The following INPP4B variants were observed in gnomAD, a reference collection of about 807,000 sequenced individuals.
INPP4B encodes the protein inositol polyphosphate 4-phosphatase type II.
In INPP4B, 55 loss-of-function variants were observed where a neutral mutation model predicts 122.5. That is an observed-to-expected ratio of 0.45 (90% confidence interval 0.36 to 0.56). INPP4B has a LOEUF of 0.56. Among genes scored for constraint, INPP4B ranks in the 20% least tolerant of loss-of-function variants. The pLI is 0.00. For synonymous variants in INPP4B, 403 were observed against 388.7 expected (o/e 1.04, Z -0.43); for missense variants, 1,000 against 1,097.7 (o/e 0.91, Z 1.26).
At chr4:142,646,026 G>A (rs1308259023) in intron 2 of INPP4B, among the ~76,000 whole-genome samples, 1 of 152,176 alleles carries the variant, frequency 6.6e-6, no homozygotes, top group Non-Finnish European at 1.5e-5. Flanking sequence ...AACCTGATCA[G>A]TAGTATCCTG....
rs922190826 is a variant in INPP4B, at chr4:142,773,437, A to G, written c.-253-47536T>C. ...AACTGTCTAATGGAATATACTGTTT[A>G]TTATTAAAATTCACATGAGCTACAC... On this transcript the variant is annotated intron_variant, in intron 1 of 25. Transcript: ENST00000262992. Among the ~76,000 whole-genome samples the G allele has an allele frequency of 3.3e-5, 5 of 152,180 alleles. No individual in the cohort carries two copies. In the South Asian group the frequency reaches 1.0e-3, roughly 31 times the overall value.
At chr4:142,288,543 A>G (rs1471917057) in intron 9 of INPP4B, among the ~76,000 whole-genome samples, 1 of 152,152 alleles carries the variant, frequency 6.6e-6, no homozygotes, top group Non-Finnish European at 1.5e-5. Flanking sequence ...GGGATCGGCC[A>G]CTGCACTCCA....
At chr4:142,779,623 C>T (rs959047147) in intron 1 of INPP4B, among the ~76,000 whole-genome samples, 21 of 151,992 alleles carry the variant, frequency 1.4e-4, no homozygotes, top group Admixed American at 1.2e-3. Flanking sequence ...TCCTTCATTC[C>T]GTGTTTATAA....
chr4:142,750,068 A>T (rs567083286), intron 1 of INPP4B, among the ~76,000 whole-genome samples: 1 of 152,090 alleles, frequency 6.6e-6, no homozygotes, highest in Non-Finnish European at 1.5e-5. Flanking sequence ...CCCATCTGAA[A>T]ATGAGACAAT....
chr4:142,100,462 TA>T (rs1302526752), intron 23 of INPP4B, among the ~76,000 whole-genome samples: 1 of 152,166 alleles, frequency 6.6e-6, no homozygotes, highest in East Asian at 1.9e-4. Flanking sequence ...GCACCTGGGT[TA>T]GTAGCAACTC....
intron 2 of INPP4B, among the ~76,000 whole-genome samples, chr4:142,576,446 A>G (rs1713462250): frequency 6.6e-6 from 1 of 151,858 alleles, no homozygotes; most frequent in African/African-American, 2.4e-5. Flanking sequence ...TTTTCCTAAC[A>G]TGTTTTTTAA....
chr4:142,328,542 C>T (rs1296096391), intron 7 of INPP4B, among the ~76,000 whole-genome samples: 2 of 152,126 alleles, frequency 1.3e-5, no homozygotes, highest in Non-Finnish European at 2.9e-5. Context: ...AGATTGAATA[C>T]AGAGAAGCAG....
At position 142,122,152 on chromosome 4, in the gene INPP4B, A is replaced by G; in HGVS notation, c.2111T>C (p.Val704Ala). 3 of 1,610,672 alleles carry G rather than the reference A, an allele frequency of 1.9e-6. No individual in the cohort carries two copies. The highest frequency in any genetic ancestry group is 2.5e-6 in the Non-Finnish European group (3 of 1,178,144). ...CCGTCTTCCTGTTATAACTGGCAAC[A>G]CATCATTGGATTTGGCTTCAATTAT... ...FKIIEAKSND[V>A]LPVITGRREH... is the part of the protein sequence containing the mutation. Residue 704 changes from valine (V) to alanine (A), a missense_variant, in exon 21 of 26, where the codon GTG becomes GCG. Val to Ala is a moderately conservative substitution (Grantham distance 64). Transcript: ENST00000262992.
chr4:142,648,937 C>T (rs1287113731), intron 2 of INPP4B, among the ~76,000 whole-genome samples: 1 of 152,178 alleles, frequency 6.6e-6, no homozygotes, highest in Non-Finnish European at 1.5e-5. Context: ...GGAGATACCT[C>T]CCAGTAGGGG....
intron 1 of INPP4B, among the ~76,000 whole-genome samples, chr4:142,740,919 A>T (rs2150917753): frequency 6.6e-6 from 1 of 152,186 alleles, no homozygotes; most frequent in East Asian, 1.9e-4. Flanking sequence ...CTCATCTTAG[A>T]CATCTCAGGA....
chr4:142,086,468 C>G (rs1183241318), intron 23 of INPP4B, among the ~76,000 whole-genome samples: 1 of 152,146 alleles, frequency 6.6e-6, no homozygotes, highest in East Asian at 1.9e-4. Context: ...ATCCTCCCAC[C>G]TCAGTGCCCA....
chr4:142,132,343 C>T (rs575882099), intron 18 of INPP4B, among the ~76,000 whole-genome samples: 2 of 152,110 alleles, frequency 1.3e-5, no homozygotes, highest in East Asian at 3.9e-4. Context: ...GCCAGACCAC[C>T]AGGGTTAGAA....
chr4:142,704,456 G>A (rs910810522), intron 2 of INPP4B, among the ~76,000 whole-genome samples: 8 of 152,134 alleles, frequency 5.3e-5, no homozygotes, highest in African/African-American at 1.9e-4. Flanking sequence ...CAAGACATGT[G>A]TGGCCTCTAT....
intron 18 of INPP4B, among the ~76,000 whole-genome samples, chr4:142,130,727 T>G (rs1262927423): frequency 6.6e-6 from 1 of 152,224 alleles, no homozygotes; most frequent in African/African-American, 2.4e-5. Flanking sequence ...CACTGAACTA[T>G]GATCCAAGGT....
intron 14 of INPP4B, among the ~76,000 whole-genome samples, chr4:142,200,447 T>A (rs892871649): frequency 6.6e-6 from 1 of 152,064 alleles, no homozygotes. Flanking sequence ...TCACTGCTAC[T>A]ATGGTGTCAC....
chr4:142,624,461 G>C (rs990389945), intron 2 of INPP4B, among the ~76,000 whole-genome samples: 3 of 151,934 alleles, frequency 2.0e-5, no homozygotes, highest in Non-Finnish European at 4.4e-5. Context: ...GTAGATGCTG[G>C]ATATTAGCCC....
intron 7 of INPP4B, among the ~76,000 whole-genome samples, chr4:142,367,548 AG>A (rs531095063): frequency 1.1e-3 from 167 of 152,194 alleles, no homozygotes; most frequent in African/African-American, 3.9e-3. Flanking sequence ...AGGAAACTGA[AG>A]CTTTAGTAAT....
In INPP4B at chr4:142,448,760, C is replaced by T. The variant is rs1813491539; in HGVS notation, c.-127+13903G>A. The stretch of plus-strand genomic sequence containing the variant: ...AATTTTGCAACCAGGTCCCTGTGCC[C>T]AATAACAGGAATGTATCCTAATTTA... On this transcript the variant is annotated intron_variant, in intron 3 of 25. Transcript: ENST00000262992. Among the ~76,000 whole-genome samples the T allele has an allele frequency of 2.0e-5, 3 of 151,934 alleles. No homozygotes were observed. The South Asian group carries it at 6.2e-4, about 32-fold the overall frequency.
intron 11 of INPP4B, among the ~76,000 whole-genome samples, chr4:142,242,818 C>A (rs148594216): frequency 5.6e-4 from 86 of 152,290 alleles, no homozygotes; most frequent in Middle Eastern, 3.4e-3. Flanking sequence ...TGGTTCTTAC[C>A]AACTGTACTA....
Sources: allele counts gnomAD v4.1 joint callset (sites outside exome capture counted in the v4.1 genomes callset), GRCh38; gene constraint gnomAD v4.1.1; transcripts MANE v1.5; gene names NCBI Gene and HGNC (gene_info 2026-07-23, HGNC 2026-07-21).